The following SND1 variants were observed in gnomAD, a reference collection of about 807,000 sequenced individuals.
The protein encoded by SND1 is staphylococcal nuclease domain-containing protein 1.
SND1 carries 38 observed loss-of-function variants against 121.7 expected under a neutral mutation model. The observed-to-expected ratio is 0.31, with a 90% CI of 0.24 to 0.41. SND1 has a LOEUF of 0.41. SND1 is among the 10% of genes least tolerant of loss of function. SND1 has a pLI of 1.00. For missense variants in SND1, 868 were observed against 1,184.6 expected, an observed-to-expected ratio of 0.73 and a Z score of 3.92; for synonymous variants, 401 against 447.4, an observed-to-expected ratio of 0.90 and a Z score of 1.31.
rs973480866 is a variant in SND1 at position 127,652,200 on chromosome 7, C to G, written c.-174C>G. ...GCGGCGGCGGAGATCGCGTCTCTTT[C>G]GCTCCGTGTCCCGCTGCTGCTCCTG... On this transcript the variant is annotated 5_prime_UTR_variant, in exon 1 of 24. Transcript: ENST00000354725. 1.5e-5 allele frequency: 10 copies of G among 661,282 alleles called. No individual in the cohort carries two copies. Among genetic ancestry groups the G allele is most frequent in the Non-Finnish European group, 2.5e-5 (9 of 362,710 alleles). 41.0% of individuals were successfully genotyped at this position (661,282 alleles called of 1,614,324 possible). A position where few individuals can be genotyped will look rare whatever the true frequency, so the allele number is the denominator to read the frequency against.
Position 128,085,639 on chromosome 7 carries a change from C to T in SND1, c.2235-72C>T. Reference sequence around the variant, plus strand: ...AGGGAAATGCTGTGCCCCTGCCCCGCCATTGCTGAGGCTCTGGGAGCCCAG... The same window carrying T: ...AGGGAAATGCTGTGCCCCTGCCCCGTCATTGCTGAGGCTCTGGGAGCCCAG... On this transcript the variant is annotated intron_variant, in intron 19 of 23. Transcript: ENST00000354725. This position sits in a 1 kb window ranked among gnomAD's most constrained non-coding sequence, Gnocchi z 4.4. 2 of 1,361,534 alleles carry T rather than the reference C, an allele frequency of 1.5e-6. No individual in the cohort carries two copies. The highest frequency in any genetic ancestry group is 2.1e-6 in the Non-Finnish European group (2 of 953,170). The allele number at this position is 1,361,534 out of a possible 1,614,324, so 84.3% of individuals were successfully genotyped here. A position where few individuals can be genotyped will look rare whatever the true frequency, so the allele number is the denominator to read the frequency against.
At chr7:128,088,411 A>G (rs137875619) in intron 21 of SND1, among the ~76,000 whole-genome samples, 1 of 146,578 alleles carries the variant, frequency 6.8e-6, no homozygotes, top group African/African-American at 2.5e-5. Context: ...CAGTGAGATG[A>G]TGACACCACT....
Position 127,698,958 on chromosome 7 carries a change from G to A in SND1, c.428+5G>A, listed in dbSNP as rs1054448804. The A allele has an allele frequency of 6.2e-7, 1 of 1,609,456 alleles. No individual in the cohort carries two copies. The highest frequency in any genetic ancestry group is 8.5e-7 in the Non-Finnish European group (1 of 1,176,030). On this transcript the variant is annotated splice_donor_5th_base_variant and intron_variant, in intron 4 of 23. Coordinates refer to ENST00000354725, the MANE Select transcript of SND1 (RefSeq NM_014390.4). Reference sequence around the variant, plus strand: ...AGAAGGCATGAGAGCTAATAAGTAAGTATTCATTACTCCGCTGTCTCTCTG... The same window carrying A: ...AGAAGGCATGAGAGCTAATAAGTAAATATTCATTACTCCGCTGTCTCTCTG...
intron 15 of SND1, among the ~76,000 whole-genome samples, chr7:127,972,304 C>T (rs756756119): frequency 6.6e-6 from 1 of 152,064 alleles, no homozygotes; most frequent in Non-Finnish European, 1.5e-5. Flanking sequence ...GCACTGTCAC[C>T]AAGCTGGAGT....
At chr7:128,065,433 C>T (rs1371977245) in intron 16 of SND1, among the ~76,000 whole-genome samples, 1 of 152,212 alleles carries the variant, frequency 6.6e-6, no homozygotes, top group Non-Finnish European at 1.5e-5. Context: ...GGGTCTGTAC[C>T]ATCCCACAGC....
chr7:127,885,531 A>G (rs1799886980), intron 12 of SND1, among the ~76,000 whole-genome samples: 1 of 152,154 alleles, frequency 6.6e-6, no homozygotes, highest in Admixed American at 6.6e-5. Flanking sequence ...CAGGAACTCC[A>G]TATGGCAGGT....
At chr7:127,861,626 C>T (rs1402095040) in intron 12 of SND1, among the ~76,000 whole-genome samples, 2 of 152,156 alleles carry the variant, frequency 1.3e-5, no homozygotes, top group East Asian at 1.9e-4. Context: ...AGGTGCCCAC[C>T]ACCACACCCA....
intron 15 of SND1, among the ~76,000 whole-genome samples, chr7:127,982,245 G>T (rs1446729995): frequency 6.6e-6 from 1 of 152,078 alleles, no homozygotes; most frequent in Non-Finnish European, 1.5e-5. Flanking sequence ...TGAAGACTTG[G>T]TTTTCTTGTT....
chr7:127,914,114 GC>G (rs1404429456), intron 14 of SND1, among the ~76,000 whole-genome samples: 1 of 152,122 alleles, frequency 6.6e-6, no homozygotes, highest in African/African-American at 2.4e-5. Flanking sequence ...TTTGGAAGGG[GC>G]CTGAAAATGT....
At chr7:128,005,834 A>G (rs1408608313) in intron 16 of SND1, among the ~76,000 whole-genome samples, 1 of 152,160 alleles carries the variant, frequency 6.6e-6, no homozygotes. Context: ...TAGCAGAGGC[A>G]ATACGGCATC....
At chr7:127,761,487 A>C (rs900315955) in intron 10 of SND1, among the ~76,000 whole-genome samples, 1 of 152,122 alleles carries the variant, frequency 6.6e-6, no homozygotes, top group African/African-American at 2.4e-5. Flanking sequence ...ACAACACCAA[A>C]AAATGAATAT....
intron 16 of SND1, among the ~76,000 whole-genome samples, chr7:128,002,503 A>G (rs1802859813): frequency 6.6e-6 from 1 of 152,174 alleles, no homozygotes; most frequent in South Asian, 2.1e-4. Flanking sequence ...CCTTTTCTAG[A>G]CTTGGCTATG....
chr7:127,737,523 C>T (rs577625296), intron 10 of SND1, among the ~76,000 whole-genome samples: 9 of 152,186 alleles, frequency 5.9e-5, no homozygotes, highest in Admixed American at 1.3e-4. Context: ...TGCAGGGAGC[C>T]GAGATCACAA....
At chr7:128,030,260 G>A (rs1442026379) in intron 16 of SND1, 3 of 1,614,194 alleles carry the variant, frequency 1.9e-6, no homozygotes, top group South Asian at 2.2e-5. Flanking sequence ...ACAGCTCCAG[G>A]GTGTTGAGGC....
rs73721294 is a variant in SND1, at chr7:128,081,882, C to T, written c.2110+381C>T. ...GTAGCCCCCAGAATCTGTCAGGCAC[C>T]AGCCAGGCATTGCTCAGCCCGTTTC... On this transcript the variant is annotated intron_variant, in intron 18 of 23. Coordinates refer to ENST00000354725, the MANE Select transcript of SND1 (RefSeq NM_014390.4). 3,765 of 539,510 alleles carry T rather than the reference C, an allele frequency of 7.0e-3. 128 individuals are homozygous for T. Among genetic ancestry groups the T allele is most frequent in the African/African-American group, 0.065 (3,412 of 52,270 alleles). The allele number at this position is 539,510 out of a possible 1,614,324, so 33.4% of individuals were successfully genotyped here.
chr7:128,031,788 GCCGC>G (rs1792616442), intron 16 of SND1, among the ~76,000 whole-genome samples: 1 of 143,172 alleles, frequency 7.0e-6, no homozygotes, highest in African/African-American at 2.5e-5. Flanking sequence ...GTCGCCGCCC[GCCGC>G]TGCCCGGCCC....
chr7:127,677,006 T>C (rs1408171956), intron 1 of SND1, among the ~76,000 whole-genome samples: 1 of 152,236 alleles, frequency 6.6e-6, no homozygotes, highest in Non-Finnish European at 1.5e-5. Flanking sequence ...CCTCCCAAAG[T>C]GTTGGGATTA....
chr7:127,915,079 G>A (rs182981947), intron 14 of SND1, among the ~76,000 whole-genome samples: 18 of 152,140 alleles, frequency 1.2e-4, no homozygotes, highest in Admixed American at 3.9e-4. Flanking sequence ...GTGCAGTGGC[G>A]CAATCTCAGC....
chr7:127,870,573 A>G (rs975145069), intron 12 of SND1, among the ~76,000 whole-genome samples: 6 of 152,218 alleles, frequency 3.9e-5, no homozygotes, highest in African/African-American at 7.2e-5. Context: ...ACTGAATACT[A>G]TAGGCAGTTA....
Sources: allele counts gnomAD v4.1 joint callset (sites outside exome capture counted in the v4.1 genomes callset), GRCh38; gene constraint gnomAD v4.1.1; non-coding constraint Gnocchi (gnomAD v3.1); transcripts MANE v1.5; gene names NCBI Gene and HGNC (gene_info 2026-07-23, HGNC 2026-07-21).